Variants in RANBP2 observed in about 807,000 individuals in gnomAD.
The protein encoded by RANBP2 is E3 SUMO-protein ligase RanBP2.
In RANBP2, 57 loss-of-function variants were observed where a neutral mutation model predicts 303.6. The ratio of observed to expected loss-of-function variants is 0.19; its 90% CI spans 0.15 to 0.23. RANBP2 has a LOEUF of 0.23. Ranked by LOEUF, RANBP2 falls within the 10% of genes least tolerant of loss-of-function variation. The pLI is 1.00. For synonymous variants in RANBP2, 1,167 were observed against 1,301.5 expected (o/e 0.90, Z 2.23); for missense variants, 3,138 against 3,780.8 (o/e 0.83, Z 4.46).
At chr2:108,738,547 T>C (rs568652749) in intron 6 of RANBP2, among the ~76,000 whole-genome samples, 5 of 152,176 alleles carry the variant, frequency 3.3e-5, no homozygotes, top group African/African-American at 1.2e-4. Context: ...TTTCTATCAG[T>C]GTTTATTACA....
chr2:109,322,195 G>A, the RANBP2 span, among the ~76,000 whole-genome samples: 1 of 152,150 alleles, frequency 6.6e-6, no homozygotes, highest in South Asian at 2.1e-4. Context: ...GCCCCTTCAA[G>A]CATTCTGGAA....
At chr2:109,432,862 C>G in the RANBP2 span, among the ~76,000 whole-genome samples, 2 of 152,272 alleles carry the variant, frequency 1.3e-5, no homozygotes, top group Non-Finnish European at 2.9e-5. Context: ...TTGCACTCAA[C>G]TCCTTGGCTG....
the RANBP2 span, among the ~76,000 whole-genome samples, chr2:109,219,395 T>C: frequency 1.3e-5 from 2 of 152,206 alleles, no homozygotes; most frequent in Non-Finnish European, 1.5e-5. Context: ...CATTTTAGTA[T>C]TGCAAAAGGA....
the RANBP2 span, among the ~76,000 whole-genome samples, chr2:108,815,348 G>A: frequency 6.6e-6 from 1 of 150,544 alleles, no homozygotes; most frequent in Non-Finnish European, 1.5e-5. Flanking sequence ...TTTATGAAAA[G>A]TTTTCTTTTA....
chr2:108,759,941 G>A (rs1676609310), intron 18 of RANBP2, among the ~76,000 whole-genome samples: 1 of 152,140 alleles, frequency 6.6e-6, no homozygotes, highest in African/African-American at 2.4e-5. Context: ...TGTGAAATGT[G>A]TAGAAGCAGC....
chr2:109,220,047 A>G, the RANBP2 span, among the ~76,000 whole-genome samples: 3 of 152,256 alleles, frequency 2.0e-5, no homozygotes, highest in African/African-American at 7.2e-5. Flanking sequence ...AATAGTAATC[A>G]AAACTATGTT....
chr2:109,598,888 AT>A, the RANBP2 span, among the ~76,000 whole-genome samples: 1 of 152,006 alleles, frequency 6.6e-6, no homozygotes, highest in East Asian at 1.9e-4. Context: ...TCAAAAAAAA[AT>A]AAAAATAAAA....
At chr2:108,780,900 G>T (rs945291722) in intron 25 of RANBP2, among the ~76,000 whole-genome samples, 2 of 152,032 alleles carry the variant, frequency 1.3e-5, no homozygotes, top group East Asian at 3.9e-4. Context: ...GTAGAGACGG[G>T]GTTTCTCCAT....
chr2:109,574,852 A>AT, the RANBP2 span: 2 of 875,114 alleles, frequency 2.3e-6, no homozygotes, highest in Non-Finnish European at 3.3e-6. Context: ...TGAGGTCTAT[A>AT]TTTTCACTAA....
At chr2:108,743,772 A>G (rs537518529) in intron 7 of RANBP2, among the ~76,000 whole-genome samples, 1 of 152,302 alleles carries the variant, frequency 6.6e-6, no homozygotes, top group South Asian at 2.1e-4. Context: ...ACCTATTGCC[A>G]GATGCCTTGC....
the RANBP2 span, among the ~76,000 whole-genome samples, chr2:108,931,719 G>GT: frequency 1.3e-5 from 2 of 148,930 alleles, no homozygotes; most frequent in Admixed American, 6.6e-5. Context: ...GAGGAGGTGG[G>GT]TTTTTTTTTC....
the RANBP2 span, among the ~76,000 whole-genome samples, chr2:109,332,521 G>A: frequency 6.6e-6 from 1 of 152,216 alleles, no homozygotes; most frequent in South Asian, 2.1e-4. Context: ...GGATGTGTGA[G>A]GAACAGAGCT....
the RANBP2 span, among the ~76,000 whole-genome samples, chr2:109,269,048 C>T: frequency 1.3e-5 from 2 of 152,190 alleles, no homozygotes; most frequent in African/African-American, 2.4e-5. Flanking sequence ...CAGGCACAGC[C>T]CTTTCTCTTG....
the RANBP2 span, among the ~76,000 whole-genome samples, chr2:109,648,998 G>A: frequency 9.3e-3 from 1,409 of 152,244 alleles, 15 homozygotes; most frequent in African/African-American, 0.033. Context: ...GTATAGGTAG[G>A]ACAATCAGGT....
chr2:109,025,831 A>G, the RANBP2 span, among the ~76,000 whole-genome samples: 9 of 151,284 alleles, frequency 5.9e-5, 1 homozygote, highest in African/African-American at 9.8e-5. Flanking sequence ...AATTACATCA[A>G]TAGGTTAGAG....
chr2:109,683,519 A>G, the RANBP2 span, among the ~76,000 whole-genome samples: 1 of 152,196 alleles, frequency 6.6e-6, no homozygotes, highest in African/African-American at 2.4e-5. Context: ...TCAGGAGGCC[A>G]GACACAGAGT....
At chr2:109,230,897 T>C in the RANBP2 span, among the ~76,000 whole-genome samples, 1 of 152,222 alleles carries the variant, frequency 6.6e-6, no homozygotes, top group Non-Finnish European at 1.5e-5. Flanking sequence ...CTTTGGGGGC[T>C]TCTCCCATCT....
chr2:109,449,440 C>T, the RANBP2 span: 9,193 of 1,614,004 alleles, frequency 5.7e-3, 35 homozygotes, highest in Non-Finnish European at 7.2e-3. Flanking sequence ...CTGTCCACAT[C>T]CAGCCCCACC....
At chr2:109,669,041 G>A in the RANBP2 span, among the ~76,000 whole-genome samples, 66 of 152,160 alleles carry the variant, frequency 4.3e-4, no homozygotes, top group Non-Finnish European at 8.1e-4. Context: ...AGGGAATAGA[G>A]GACCCAGATA....
Sources: gnomAD v4.1 joint callset for allele counts (sites outside exome capture counted in the v4.1 genomes callset) on GRCh38, gnomAD v4.1.1 for gene constraint, MANE v1.5 for transcripts, NCBI Gene and HGNC (gene_info 2026-07-23, HGNC 2026-07-21) for gene names.